The following RBFOX1 variants were observed in gnomAD, a reference collection of about 807,000 sequenced individuals.
The protein encoded by RBFOX1 is RNA binding protein fox-1 homolog 1.
Under a neutral mutation model 57.7 loss-of-function variants are expected in RBFOX1, and 8 were observed. The observed-to-expected ratio is 0.14, with a 90% CI of 0.08 to 0.25. The LOEUF is 0.25. Among genes scored for constraint, RBFOX1 ranks in the 10% least tolerant of loss-of-function variants. The pLI, the probability that RBFOX1 is intolerant of heterozygous loss-of-function variation, is 1.00. For synonymous variants in RBFOX1, 326 were observed against 222.4 expected (o/e 1.47, Z -4.15); for missense variants, 611 against 548.5 (o/e 1.11, Z -1.14).
At chr16:5,730,450 A>G (rs1229339603) in intron 3 of RBFOX1, among the ~76,000 whole-genome samples, 3 of 152,210 alleles carry the variant, frequency 2.0e-5, no homozygotes, top group Non-Finnish European at 2.9e-5. Flanking sequence ...CTGGCTGCGC[A>G]CACACACTGG....
At chr16:5,689,657 C>G (rs1264973134) in intron 3 of RBFOX1, among the ~76,000 whole-genome samples, 1 of 152,130 alleles carries the variant, frequency 6.6e-6, no homozygotes, top group African/African-American at 2.4e-5. Context: ...GCGTTATGGT[C>G]ACATTCACTT....
intron 3 of RBFOX1, among the ~76,000 whole-genome samples, chr16:6,741,250 A>G (rs2072008322): frequency 6.6e-6 from 1 of 152,222 alleles, no homozygotes. Flanking sequence ...CGTAGGTTAA[A>G]TTGAAAACAT....
At chr16:6,946,073 C>T (rs937126051) in intron 3 of RBFOX1, among the ~76,000 whole-genome samples, 8 of 152,212 alleles carry the variant, frequency 5.3e-5, no homozygotes, top group African/African-American at 1.9e-4. Context: ...CACCCTTTCC[C>T]CAGCAACCTT....
intron 4 of RBFOX1, among the ~76,000 whole-genome samples, chr16:7,069,659 T>C (rs2056910690): frequency 6.6e-6 from 1 of 152,034 alleles, no homozygotes. Flanking sequence ...TGAGGATAAA[T>C]GGGGACTTAG....
chr16:6,645,186 A>G lies in RBFOX1; in HGVS notation c.-63-9417A>G, dbSNP rs144855045. 3.3e-5 allele frequency among the ~76,000 whole-genome samples: 5 copies of G among 152,280 alleles called. No individual in the cohort carries two copies. In the East Asian group the frequency reaches 9.7e-4, roughly 29 times the overall value. ...TCTGTCTCTTAAAAGGATACTTGTT[A>G]CTGGATTTAGAACCCACCCAGATAA... On this transcript the variant is annotated intron_variant, in intron 2 of 15. Coordinates refer to ENST00000550418, the MANE Select transcript of RBFOX1 (RefSeq NM_018723.4).
chr16:7,116,035 G>A (rs1292692139), intron 4 of RBFOX1, among the ~76,000 whole-genome samples: 2 of 152,134 alleles, frequency 1.3e-5, no homozygotes, highest in East Asian at 1.9e-4. Flanking sequence ...GTGGCCATGT[G>A]CCCTTTCTCA....
chr16:5,325,019 C>T (rs1222862149), intron 1 of RBFOX1, among the ~76,000 whole-genome samples: 1 of 152,158 alleles, frequency 6.6e-6, no homozygotes, highest in South Asian at 2.1e-4. Context: ...ATCTGTACAA[C>T]AAACAGAAGT....
chr16:7,183,081 C>G (rs1339263609), intron 4 of RBFOX1, among the ~76,000 whole-genome samples: 3 of 152,156 alleles, frequency 2.0e-5, no homozygotes, highest in East Asian at 3.9e-4. Flanking sequence ...GAATGATCCC[C>G]TAACTGCCAA....
chr16:6,605,978 C>T (rs1054538396), intron 2 of RBFOX1, among the ~76,000 whole-genome samples: 41 of 151,918 alleles, frequency 2.7e-4, no homozygotes, highest in African/African-American at 9.9e-4. Flanking sequence ...GGGGTGGGGG[C>T]AGTGCCTGTA....
intron 3 of RBFOX1, among the ~76,000 whole-genome samples, chr16:5,608,480 G>A (rs2047665804): frequency 6.6e-6 from 1 of 152,190 alleles, no homozygotes; most frequent in African/African-American, 2.4e-5. Context: ...CCACCTATTT[G>A]TTGTGGAAGC....
chr16:6,786,083 G>A (rs1000053842), intron 3 of RBFOX1, among the ~76,000 whole-genome samples: 1 of 152,206 alleles, frequency 6.6e-6, no homozygotes, highest in African/African-American at 2.4e-5. Context: ...AGCCTGTTCA[G>A]GGCCTGGAGT....
At chr16:7,280,751 C>G (rs757496494) in intron 4 of RBFOX1, among the ~76,000 whole-genome samples, 6 of 152,072 alleles carry the variant, frequency 3.9e-5, no homozygotes, top group Non-Finnish European at 5.9e-5. Context: ...GGATGTTTGG[C>G]AAAATCCCTG....
intron 1 of RBFOX1, among the ~76,000 whole-genome samples, chr16:6,074,988 G>A (rs2095878302): frequency 6.6e-6 from 1 of 152,122 alleles, no homozygotes; most frequent in Admixed American, 6.5e-5. Context: ...GTCTGGTTAA[G>A]GAGAAAATCT....
At chr16:5,333,087 CTG>C (rs1341902093) in intron 1 of RBFOX1, among the ~76,000 whole-genome samples, 1 of 152,146 alleles carries the variant, frequency 6.6e-6, no homozygotes, top group African/African-American at 2.4e-5. Flanking sequence ...ACTCAGGAGA[CTG>C]AGACAGGAGA....
intron 3 of RBFOX1, among the ~76,000 whole-genome samples, chr16:5,708,570 G>C (rs976300889): frequency 1.3e-5 from 2 of 152,174 alleles, no homozygotes; most frequent in African/African-American, 4.8e-5. Flanking sequence ...GCTTTAAGCA[G>C]CTGACCCCCA....
chr16:6,739,089 GAA>G (rs1347722723), intron 3 of RBFOX1, among the ~76,000 whole-genome samples: 1 of 151,952 alleles, frequency 6.6e-6, no homozygotes, highest in East Asian at 1.9e-4. Flanking sequence ...AATAGGGAAA[GAA>G]GAGCTAAATA....
intron 3 of RBFOX1, among the ~76,000 whole-genome samples, chr16:6,845,726 G>GTACC (rs1393395037): frequency 6.6e-6 from 1 of 152,152 alleles, no homozygotes; most frequent in Non-Finnish European, 1.5e-5. Context: ...ACAGACCCAT[G>GTACC]TACCTCCTTC....
chr16:7,298,156 T>C (rs984308343), intron 4 of RBFOX1, among the ~76,000 whole-genome samples: 3 of 152,170 alleles, frequency 2.0e-5, no homozygotes, highest in African/African-American at 7.2e-5. Context: ...TGCATGCATG[T>C]CCTGTACCTT....
intron 3 of RBFOX1, among the ~76,000 whole-genome samples, chr16:5,612,231 A>AT (rs979171410): frequency 1.4e-5 from 2 of 147,076 alleles, no homozygotes; most frequent in East Asian, 2.0e-4. Context: ...TCATTCATTC[A>AT]TCTACTCTCC....
Sources: allele counts gnomAD v4.1 joint callset (sites outside exome capture counted in the v4.1 genomes callset), GRCh38; gene constraint gnomAD v4.1.1; transcripts MANE v1.5; gene names NCBI Gene and HGNC (gene_info 2026-07-23, HGNC 2026-07-21).